The following TRIM24 variants were observed in gnomAD, a reference collection of about 807,000 sequenced individuals.
The protein encoded by TRIM24 is transcription intermediary factor 1-alpha.
TRIM24 carries 29 observed loss-of-function variants against 123.9 expected under a neutral mutation model. The ratio of observed to expected loss-of-function variants is 0.23; its 90% CI spans 0.17 to 0.32. The LOEUF is 0.32. Ranked by LOEUF, TRIM24 falls within the 10% of genes least tolerant of loss-of-function variation. TRIM24 has a pLI of 1.00. For synonymous variants in TRIM24, 456 were observed against 461.1 expected, an observed-to-expected ratio of 0.99 and a Z score of 0.14; for missense variants, 932 against 1,295.3, an observed-to-expected ratio of 0.72 and a Z score of 4.31.
intron 6 of TRIM24, among the ~76,000 whole-genome samples, chr7:138,535,508 G>GA (rs1369018826): frequency 9.9e-5 from 15 of 152,256 alleles, no homozygotes; most frequent in African/African-American, 3.4e-4. Context: ...ATTCTGGGTT[G>GA]AAAATTCTTT....
rs908722727 is a variant in TRIM24 at position 138,589,657 on chromosome 7, C to A, written c.*4706C>A. On this transcript the variant is annotated 3_prime_UTR_variant, in exon 19 of 19. Coordinates refer to ENST00000343526, the MANE Select transcript of TRIM24 (RefSeq NM_015905.3). ...CTTGGATTATTCTGCCTCATACCAG[C>A]CACTCCCAAAGTAGGAGGACCAAAG... 4 of 152,126 alleles carry A rather than the reference C, an allele frequency of 2.6e-5. No homozygotes were observed. The highest frequency in any genetic ancestry group is 6.5e-5 in the Admixed American group (1 of 15,270). The allele number at this position is 152,126 out of a possible 1,614,324, so 9.4% of individuals were successfully genotyped here. A position where few individuals can be genotyped will look rare whatever the true frequency, so the allele number is the denominator to read the frequency against.
chr7:138,477,213 G>C (rs974981563), intron 1 of TRIM24, among the ~76,000 whole-genome samples: 13 of 152,134 alleles, frequency 8.5e-5, no homozygotes, highest in Admixed American at 2.6e-4. Flanking sequence ...CCCACACTTT[G>C]GGAGGCTGAG....
In TRIM24 at chr7:138,577,542, T is replaced by C; in HGVS notation, c.2210T>C (p.Val737Ala). 6.2e-7 allele frequency: 1 copy of C among 1,611,226 alleles called. No individual in the cohort carries two copies. Among genetic ancestry groups the C allele is most frequent in the Non-Finnish European group, 8.5e-7 (1 of 1,178,834 alleles). Residue 737 changes from valine to alanine, a missense_variant, in exon 14 of 19, where the codon GTT becomes GCT. Transcript: ENST00000343526. Reference protein sequence around the residue: ...SGPPENYDFPVVIVKQESDEE... With the variant: ...SGPPENYDFPAVIVKQESDEE... ...CCACCGGAAAATTATGATTTCCCTG[T>C]TGTTATAGTGAAGCAAGAATCAGAT...
intron 1 of TRIM24, among the ~76,000 whole-genome samples, chr7:138,486,522 A>G (rs1563028607): frequency 6.6e-6 from 1 of 152,182 alleles, no homozygotes; most frequent in Non-Finnish European, 1.5e-5. Context: ...TATAAGGTGT[A>G]AGGAAGGGAT....
Position 138,585,787 on chromosome 7 carries a change from T to G in TRIM24, c.*836T>G, listed in dbSNP as rs533718280. The G allele has an allele frequency of 5.7e-6, 3 of 521,778 alleles. No homozygotes were observed. The highest frequency in any genetic ancestry group is 3.2e-4 in the Middle Eastern group (1 of 3,166). The allele number at this position is 521,778 out of a possible 1,614,324, so 32.3% of individuals were successfully genotyped here. Reference sequence around the variant, plus strand: ...TCCTTTTACAACAAGCCTCATTGTTTGCAGTATAGCTTTTAGTGGAACTAC... The same window carrying G: ...TCCTTTTACAACAAGCCTCATTGTTGGCAGTATAGCTTTTAGTGGAACTAC... On this transcript the variant is annotated 3_prime_UTR_variant, in exon 19 of 19. Coordinates refer to ENST00000343526, the MANE Select transcript of TRIM24 (RefSeq NM_015905.3).
At chr7:138,531,391 C>T (rs972797375) in intron 6 of TRIM24, among the ~76,000 whole-genome samples, 12 of 148,012 alleles carry the variant, frequency 8.1e-5, no homozygotes, top group African/African-American at 2.3e-4. Flanking sequence ...CAACAGGCCC[C>T]GGTGTGTGAT....
chr7:138,579,630 G>GT, intron 15 of TRIM24, 98 bp downstream of exon 15: 3 of 1,008,752 alleles, frequency 3.0e-6, no homozygotes, highest in Non-Finnish European at 2.9e-6. Flanking sequence ...AATTCCACTT[G>GT]GCACAAGTGT....
chr7:138,545,616 A>G (rs914784473), intron 7 of TRIM24: 12 of 436,668 alleles, frequency 2.7e-5, no homozygotes, highest in Admixed American at 7.3e-5. Context: ...GTCCATCTGT[A>G]TGTGTGTATG....
rs1794926699 is a variant in TRIM24 at position 138,460,272 on chromosome 7, G to C, written c.-277G>C. On this transcript the variant is annotated 5_prime_UTR_variant, in exon 1 of 19. Coordinates refer to ENST00000343526, the MANE Select transcript of TRIM24 (RefSeq NM_015905.3). ...GGCGGGCTGGGCGTATTCCACGAGCGCCTCGGCGGTTGGCGAAGCGGACGG... is the reference window on the plus strand; with the variant it reads ...GGCGGGCTGGGCGTATTCCACGAGCCCCTCGGCGGTTGGCGAAGCGGACGG... 5.6e-6 allele frequency: 2 copies of C among 356,650 alleles called. No homozygotes were observed. Among genetic ancestry groups the C allele is most frequent in the Non-Finnish European group, 1.0e-5 (2 of 199,376 alleles). The allele number at this position is 356,650 out of a possible 1,614,324, so 22.1% of individuals were successfully genotyped here.
At chr7:138,564,426 T>C (rs1376031091) in intron 9 of TRIM24, among the ~76,000 whole-genome samples, 3 of 152,198 alleles carry the variant, frequency 2.0e-5, no homozygotes, top group African/African-American at 7.2e-5. Context: ...TAGATTGGAA[T>C]ATATGGAAGA....
intron 1 of TRIM24, among the ~76,000 whole-genome samples, chr7:138,465,358 A>C (rs747675269): frequency 2.0e-5 from 3 of 152,230 alleles, no homozygotes; most frequent in African/African-American, 4.8e-5. Flanking sequence ...GTATGTTAAG[A>C]AAACAAACTG....
chr7:138,580,506 T>A, intron 15 of TRIM24, 56 bp from the exon 16 acceptor site: 1 of 1,565,458 alleles, frequency 6.4e-7, no homozygotes, highest in African/African-American at 1.4e-5. Context: ...GAAAGGGAAA[T>A]AGTGAAGAGA....
rs1179617856 is a variant in TRIM24 at position 138,519,256 on chromosome 7, G to A, written c.699G>A (p.Leu233=). ...TTCATAAAAAGGAGCAGCTGAAGCT[G>A]TACTGTGAGACATGTGACAAACTGA... The part of the protein sequence containing the change: ...CPFHKKEQLK[L]YCETCDKLTC... Residue 233 remains leucine (L), a synonymous_variant, in exon 4 of 19, where the codon CTG becomes CTA. Coordinates refer to ENST00000343526, the MANE Select transcript of TRIM24 (RefSeq NM_015905.3). 2.5e-6 allele frequency: 4 copies of A among 1,614,056 alleles called. No individual in the cohort carries two copies. Among genetic ancestry groups the A allele is most frequent in the East Asian group, 2.2e-5 (1 of 44,872 alleles).
intron 1 of TRIM24, among the ~76,000 whole-genome samples, chr7:138,493,964 T>C (rs1795849154): frequency 6.6e-6 from 1 of 151,204 alleles, no homozygotes; most frequent in African/African-American, 2.5e-5. Context: ...TTTATTATTG[T>C]TGTTGTTGTT....
Position 138,460,362 on chromosome 7 carries a change from C to T in TRIM24, c.-187C>T. On this transcript the variant is annotated 5_prime_UTR_variant, in exon 1 of 19. Transcript: ENST00000343526. Reference sequence around the variant, plus strand: ...AGATACCCTCCTTCCGGCCGCGCCACTCGGGAGGCGGATCCCGTGGGCCTG... The same window carrying T: ...AGATACCCTCCTTCCGGCCGCGCCATTCGGGAGGCGGATCCCGTGGGCCTG... 3.9e-6 allele frequency: 2 copies of T among 511,320 alleles called. No individual in the cohort carries two copies. Among genetic ancestry groups the T allele is most frequent in the Non-Finnish European group, 6.1e-6 (2 of 330,224 alleles). 31.7% of individuals were successfully genotyped at this position (511,320 alleles called of 1,614,324 possible).
chr7:138,517,001 G>A lies in TRIM24; in HGVS notation c.631+1642G>A, dbSNP rs980439837. Among the ~76,000 whole-genome samples, 17 of 151,692 alleles carry A rather than the reference G, an allele frequency of 1.1e-4. 1 individual carries two copies. Among genetic ancestry groups the A allele is most frequent in the Non-Finnish European group, 2.1e-4 (14 of 67,950 alleles). On this transcript the variant is annotated intron_variant, in intron 3 of 18. Transcript: ENST00000343526. ...GCCTGTAATCCCAACAACCTGGGAG[G>A]TGAGATGGTGGGAGGACCACTTGAA... is the stretch of plus-strand genomic sequence containing the variant.
chr7:138,482,243 T>C (rs1795545410), intron 1 of TRIM24, among the ~76,000 whole-genome samples: 1 of 152,172 alleles, frequency 6.6e-6, no homozygotes, highest in African/African-American at 2.4e-5. Context: ...GCCCACATTC[T>C]CTTTACAGTA....
intron 1 of TRIM24, among the ~76,000 whole-genome samples, chr7:138,489,288 T>G (rs1386485991): frequency 6.6e-6 from 1 of 152,212 alleles, no homozygotes; most frequent in Non-Finnish European, 1.5e-5. Flanking sequence ...TGATGGGTCT[T>G]GACTCTCGAT....
In TRIM24 at chr7:138,586,805, C is replaced by T. The variant is rs190072682; in HGVS notation, c.*1854C>T. On this transcript the variant is annotated 3_prime_UTR_variant, in exon 19 of 19. Transcript: ENST00000343526. ...CTGTTCGTCTGACAGTTTATTCTTC[C>T]ATACTTGTCTCCCAAGTTAAAACAG... is the stretch of plus-strand genomic sequence containing the variant. 6.6e-6 allele frequency: 1 copy of T among 152,244 alleles called. No homozygotes were observed. Among genetic ancestry groups the T allele is most frequent in the Admixed American group, 6.5e-5 (1 of 15,284 alleles). The allele number at this position is 152,244 out of a possible 1,614,324, so 9.4% of individuals were successfully genotyped here.
Sources: gnomAD v4.1 joint callset for allele counts (sites outside exome capture counted in the v4.1 genomes callset) on GRCh38, gnomAD v4.1.1 for gene constraint, MANE v1.5 for transcripts, NCBI Gene and HGNC (gene_info 2026-07-23, HGNC 2026-07-21) for gene names.